KIAA1328: variants seen among roughly 807,000 people sequenced by gnomAD.
KIAA1328 encodes the protein KIAA1328.
KIAA1328 carries 52 observed loss-of-function variants against 68.1 expected under a neutral mutation model. The observed-to-expected ratio is 0.76, with a 90% CI of 0.61 to 0.96. KIAA1328 has a LOEUF of 0.96. Ranked by LOEUF, KIAA1328 falls within the 40% of genes least tolerant of loss-of-function variation. The probability of loss-of-function intolerance (pLI) is 0.00; values close to 1 mark genes in which losing one functional copy is unlikely to be tolerated. For missense variants in KIAA1328, 641 were observed against 677.6 expected (o/e 0.95, Z 0.60); for synonymous variants, 232 against 239.4 (o/e 0.97, Z 0.28).
chr18:36,980,977 G>A (rs145343145), intron 6 of KIAA1328, among the ~76,000 whole-genome samples: 63 of 152,156 alleles, frequency 4.1e-4, no homozygotes, highest in African/African-American at 1.3e-3. Flanking sequence ...CCCAGTCTTC[G>A]GTATGTCTTT....
chr18:36,840,380 A>G (rs536731706), intron 3 of KIAA1328, among the ~76,000 whole-genome samples: 54 of 151,392 alleles, frequency 3.6e-4, no homozygotes, highest in African/African-American at 1.3e-3. Context: ...ATATGTGTCT[A>G]TGTGTGCTTT....
intron 6 of KIAA1328, among the ~76,000 whole-genome samples, chr18:37,045,259 A>G (rs2055420433): frequency 6.6e-6 from 1 of 152,160 alleles, no homozygotes; most frequent in African/African-American, 2.4e-5. Flanking sequence ...AAATTTTTGC[A>G]ACTTCTCAGC....
intron 7 of KIAA1328, among the ~76,000 whole-genome samples, chr18:37,117,204 T>C (rs2058135056): frequency 6.6e-6 from 1 of 152,244 alleles, no homozygotes; most frequent in Non-Finnish European, 1.5e-5. Flanking sequence ...GTATGTTTAC[T>C]GTGGCACTAT....
chr18:37,099,807 T>C (rs2057541084), intron 7 of KIAA1328, among the ~76,000 whole-genome samples: 1 of 152,248 alleles, frequency 6.6e-6, no homozygotes, highest in African/African-American at 2.4e-5. Flanking sequence ...TCTTGTTGAA[T>C]TGATCCCTTT....
At chr18:36,998,056 G>A (rs909555549) in intron 6 of KIAA1328, among the ~76,000 whole-genome samples, 2 of 152,120 alleles carry the variant, frequency 1.3e-5, no homozygotes, top group African/African-American at 4.8e-5. Flanking sequence ...TGGGGCTGAG[G>A]GTCGCCCCAC....
chr18:37,041,465 C>T (rs960196947), intron 6 of KIAA1328, among the ~76,000 whole-genome samples: 3 of 151,470 alleles, frequency 2.0e-5, no homozygotes, highest in African/African-American at 7.3e-5. Flanking sequence ...TACATTTGGA[C>T]CTTCTTATTT....
rs376703718 is a variant in KIAA1328 at position 36,930,266 on chromosome 18, C to T, written c.449-29042C>T. ...GGTTTCAGGTTCTGCATTCTGCATT[C>T]TGCATTCTGTCCTGTCTCTCTCTCC... On this transcript the variant is annotated intron_variant, in intron 5 of 9. Transcript: ENST00000280020. Among the ~76,000 whole-genome samples the T allele has an allele frequency of 1.5e-4, 23 of 152,246 alleles. No individual in the cohort carries two copies. The East Asian group carries it at 3.5e-3, about 23-fold the overall frequency.
intron 6 of KIAA1328, among the ~76,000 whole-genome samples, chr18:37,013,492 C>T (rs1226993398): frequency 6.6e-6 from 1 of 152,090 alleles, no homozygotes; most frequent in African/African-American, 2.4e-5. Flanking sequence ...ATACTTTGCC[C>T]ATCCCCCTCA....
intron 4 of KIAA1328, among the ~76,000 whole-genome samples, chr18:36,871,437 G>T (rs775477026): frequency 6.6e-6 from 1 of 152,032 alleles, no homozygotes; most frequent in Non-Finnish European, 1.5e-5. Flanking sequence ...ACCTGATTAA[G>T]GGGGTGTCTG....
At chr18:36,839,513 T>C (rs1028449495) in intron 3 of KIAA1328, among the ~76,000 whole-genome samples, 1 of 152,232 alleles carries the variant, frequency 6.6e-6, no homozygotes, top group African/African-American at 2.4e-5. Context: ...TATTCTTGAC[T>C]ATGAATTCTA....
At chr18:36,849,481 C>A (rs1161506233) in intron 4 of KIAA1328, among the ~76,000 whole-genome samples, 1 of 151,996 alleles carries the variant, frequency 6.6e-6, no homozygotes, top group Non-Finnish European at 1.5e-5. Flanking sequence ...TAAGGATTTG[C>A]TGACTCTGGT....
At chr18:37,073,586 C>G (rs1334629037) in intron 7 of KIAA1328, among the ~76,000 whole-genome samples, 1 of 152,058 alleles carries the variant, frequency 6.6e-6, no homozygotes, top group Admixed American at 6.6e-5. Context: ...TTCTCTTGTT[C>G]TATTCTCAAA....
intron 5 of KIAA1328, among the ~76,000 whole-genome samples, chr18:36,935,135 T>C (rs2050453498): frequency 6.6e-6 from 1 of 152,230 alleles, no homozygotes; most frequent in Non-Finnish European, 1.5e-5. Context: ...ATTTTGTAAG[T>C]AAAGTTTTCT....
downstream of KIAA1328, among the ~76,000 whole-genome samples, chr18:37,226,293 T>G (rs2060636798): frequency 6.6e-6 from 1 of 152,112 alleles, no homozygotes; most frequent in African/African-American, 2.4e-5. Context: ...TTTTTTTTTT[T>G]GGTAATAGCT....
chr18:36,842,545 A>G (rs1478464921), intron 3 of KIAA1328, among the ~76,000 whole-genome samples: 2 of 152,190 alleles, frequency 1.3e-5, no homozygotes, highest in Non-Finnish European at 2.9e-5. Flanking sequence ...GAAAGTTAGT[A>G]TCATAGCTAC....
intron 7 of KIAA1328, among the ~76,000 whole-genome samples, chr18:37,148,890 T>G (rs1057379923): frequency 6.6e-6 from 1 of 152,182 alleles, no homozygotes; most frequent in Non-Finnish European, 1.5e-5. Flanking sequence ...ATGGATAGAT[T>G]GCAAAAATTT....
At chr18:36,962,039 G>T (rs2051699666) in intron 6 of KIAA1328, among the ~76,000 whole-genome samples, 1 of 152,134 alleles carries the variant, frequency 6.6e-6, no homozygotes, top group Non-Finnish European at 1.5e-5. Flanking sequence ...AAAGAATCAA[G>T]ACCTATCAAT....
intron 4 of KIAA1328, among the ~76,000 whole-genome samples, chr18:36,869,096 G>T: frequency 6.9e-6 from 1 of 145,006 alleles, no homozygotes; most frequent in Non-Finnish European, 1.5e-5. Context: ...GATTTTGTTT[G>T]GGGTCAAGGG....
intron 6 of KIAA1328, among the ~76,000 whole-genome samples, chr18:37,023,182 C>T (rs2054414466): frequency 6.6e-6 from 1 of 152,150 alleles, no homozygotes; most frequent in African/African-American, 2.4e-5. Context: ...AGGCATGAGC[C>T]ACCACACTTG....
Sources: allele counts gnomAD v4.1 joint callset (sites outside exome capture counted in the v4.1 genomes callset), GRCh38; gene constraint gnomAD v4.1.1; transcripts MANE v1.5; gene names NCBI Gene and HGNC (gene_info 2026-07-23, HGNC 2026-07-21).